The following HNRNPH3 variants were observed in gnomAD, a reference collection of about 807,000 sequenced individuals.
The protein encoded by HNRNPH3 is heterogeneous nuclear ribonucleoprotein 2H9.
In HNRNPH3, 7 loss-of-function variants were observed where a neutral mutation model predicts 47.0. The observed-to-expected ratio is 0.15, with a 90% CI of 0.08 to 0.28. HNRNPH3 has a LOEUF of 0.28. Ranked by LOEUF, HNRNPH3 falls within the 10% of genes least tolerant of loss-of-function variation. The pLI, the probability that HNRNPH3 is intolerant of heterozygous loss-of-function variation, is 1.00. For missense variants in HNRNPH3, 279 were observed against 449.6 expected, an observed-to-expected ratio of 0.62 and a Z score of 3.43; for synonymous variants, 120 against 143.2, an observed-to-expected ratio of 0.84 and a Z score of 1.16.
At chr10:68,335,969 T>C (rs2045525390) in intron 1 of HNRNPH3, among the ~76,000 whole-genome samples, 1 of 152,208 alleles carries the variant, frequency 6.6e-6, no homozygotes, top group Non-Finnish European at 1.5e-5. Context: ...TGATTGACAC[T>C]AGAGGTACTT....
At chr10:68,340,151 C>G (rs956278518) in intron 6 of HNRNPH3, among the ~76,000 whole-genome samples, 18 of 152,156 alleles carry the variant, frequency 1.2e-4, no homozygotes, top group African/African-American at 4.1e-4. Context: ...TCTTCTGCCT[C>G]AGCCTCCTGA....
In HNRNPH3 at chr10:68,337,235, T is replaced by C; in HGVS notation, c.14T>C (p.Met5Thr). 3.1e-6 allele frequency: 5 copies of C among 1,606,892 alleles called. No homozygotes were observed. Among genetic ancestry groups the C allele is most frequent in the Non-Finnish European group, 3.4e-6 (4 of 1,173,544 alleles). The change falls in exon 2 of 10, where the codon ATG becomes ACG. Residue 5 changes from methionine to threonine, a missense_variant. Physicochemically the swap from Met to Thr is moderately conservative, Grantham distance 81. This residue lies in a region of HNRNPH3 where 40 missense variants were observed against 113.8 expected (regional missense o/e 0.35). Transcript: ENST00000265866. The surrounding 1 kb of genome is among the most constrained non-coding windows in gnomAD (Gnocchi z 4.5). Reference sequence around the variant, plus strand: ...AACGGTATTGAGATGGATTGGGTTATGAAACATAATGGTCCAAATGACGCT... The same window carrying C: ...AACGGTATTGAGATGGATTGGGTTACGAAACATAATGGTCCAAATGACGCT... MDWV[M>T]KHNGPNDASD...
chr10:68,341,985 T>G lies in HNRNPH3; in HGVS notation c.972T>G (p.Gly324=). ...TPDGLGGYGR[G]GGGSGGYYGQ... ...TAATATCTTTTTCTTAAGGCCGTGG[T>G]GGTGGAGGCAGTGGAGGTTACTATG... Residue 324 remains glycine (G), a synonymous_variant, in exon 10 of 10, where the codon GGT becomes GGG. Transcript: ENST00000265866. 4 of 1,613,944 alleles carry G rather than the reference T, an allele frequency of 2.5e-6. No individual in the cohort carries two copies. Among genetic ancestry groups the G allele is most frequent in the Non-Finnish European group, 3.4e-6 (4 of 1,179,910 alleles).
intron 6 of HNRNPH3, among the ~76,000 whole-genome samples, chr10:68,340,103 C>T (rs1478441641): frequency 5.3e-5 from 8 of 152,090 alleles, no homozygotes; most frequent in African/African-American, 1.7e-4. Context: ...GGCGCGATCT[C>T]GGCTCACTGC....
rs914984307 is a variant in HNRNPH3, at chr10:68,342,819, A to C, written c.*765A>C. ...AAGGTTCTCAGTGACACAAGAATTC[A>C]GTATTAAGTACATAGGTATTTACTA... On this transcript the variant is annotated 3_prime_UTR_variant, in exon 10 of 10. Transcript: ENST00000265866. 2 of 152,612 alleles carry C rather than the reference A, an allele frequency of 1.3e-5. No individual in the cohort carries two copies. Among genetic ancestry groups the C allele is most frequent in the Non-Finnish European group, 2.9e-5 (2 of 68,038 alleles). 9.5% of individuals were successfully genotyped at this position (152,612 alleles called of 1,614,324 possible). A position where few individuals can be genotyped will look rare whatever the true frequency, so the allele number is the denominator to read the frequency against.
intron 1 of HNRNPH3, among the ~76,000 whole-genome samples, chr10:68,335,866 A>T: frequency 6.6e-6 from 1 of 152,140 alleles, no homozygotes; most frequent in East Asian, 1.9e-4. Context: ...CATAATATTT[A>T]TTTGTGTGCA....
chr10:68,337,121 TGA>T lies in HNRNPH3; in HGVS notation c.-23-74_-23-73del. 1.5e-6 allele frequency: 1 copy of T among 659,640 alleles called. No homozygotes were observed. Among genetic ancestry groups the T allele is most frequent in the Non-Finnish European group, 2.7e-6 (1 of 375,998 alleles). The allele number at this position is 659,640 out of a possible 1,614,324, so 40.9% of individuals were successfully genotyped here. On this transcript the variant is annotated intron_variant, in intron 1 of 9. Coordinates refer to ENST00000265866, the MANE Select transcript of HNRNPH3 (RefSeq NM_012207.3). This position sits in a 1 kb window ranked among gnomAD's most constrained non-coding sequence, Gnocchi z 4.5. ...GTTACATTTCCTCTTGTGGCACCTC[TGA>T]GAGGTGTTTCTTCATTACCTCTTGA...
At chr10:68,340,564 G>A (rs2045847001) in intron 6 of HNRNPH3, among the ~76,000 whole-genome samples, 1 of 152,092 alleles carries the variant, frequency 6.6e-6, no homozygotes, top group South Asian at 2.1e-4. Flanking sequence ...GAGACCCAAT[G>A]GCCATTCAGG....
chr10:68,332,261 G>A (rs1268537892), intron 1 of HNRNPH3, 45 bp downstream of exon 1: 7 of 152,304 alleles, frequency 4.6e-5, no homozygotes, highest in Non-Finnish European at 8.8e-5. Context: ...GGTTTCGAGA[G>A]CGGAGTCGGG....
rs774076304 is a variant in HNRNPH3 at position 68,339,227 on chromosome 10, GTAAAA to G, written c.523+6_523+10del. 6.3e-7 allele frequency: 1 copy of G among 1,585,396 alleles called. No individual in the cohort carries two copies. Among genetic ancestry groups the G allele is most frequent in the Non-Finnish European group, 8.7e-7 (1 of 1,155,084 alleles). On this transcript the variant is annotated splice_donor_variant and splice_donor_5th_base_variant and intron_variant, in intron 5 of 9. Coordinates refer to ENST00000265866, the MANE Select transcript of HNRNPH3 (RefSeq NM_012207.3). ...GATGACAGAATGAGAGATGGAAGAG[GTAAAA>G]TAAATATTAAAGACATTTTTATTCA...
intron 6 of HNRNPH3, 122 bp from the exon 7 acceptor site, chr10:68,341,052 A>G: frequency 1.6e-6 from 1 of 638,938 alleles, no homozygotes; most frequent in Non-Finnish European, 2.6e-6. Context: ...TAGTTGACTA[A>G]GTTATTAGTC....
At chr10:68,338,710 G>T in intron 4 of HNRNPH3, 23 bp downstream of exon 4, 1 of 1,513,456 alleles carries the variant, frequency 6.6e-7, no homozygotes, top group East Asian at 2.3e-5. Context: ...AATGAACAAA[G>T]GTTCTGTTGT....
At chr10:68,332,024 C>T (rs1479027307), upstream of HNRNPH3, 1 of 152,564 alleles carries the variant, frequency 6.6e-6, no homozygotes, top group Non-Finnish European at 1.5e-5. Context: ...TCTCGCTCCG[C>T]CCCCCACTTC....
At position 68,338,638 on chromosome 10, in the gene HNRNPH3, T is replaced by C. The variant is rs1309340037; in HGVS notation, c.387T>C (p.Arg129=). ...GGRGGYYGAG[R]GSMYDRMRRG... is the part of the protein sequence containing the mutation. ...GAGGGGGTTATTATGGAGCTGGGCGTGGAAGTATGTATGACAGAATGCGAC... is the reference window on the plus strand; with the variant it reads ...GAGGGGGTTATTATGGAGCTGGGCGCGGAAGTATGTATGACAGAATGCGAC... The change falls in exon 4 of 10, where the codon CGT becomes CGC. Residue 129 remains arginine (R), a synonymous_variant. Transcript: ENST00000265866. 2.5e-6 allele frequency: 4 copies of C among 1,611,486 alleles called. No individual in the cohort carries two copies. Among genetic ancestry groups the C allele is most frequent in the Non-Finnish European group, 3.4e-6 (4 of 1,178,902 alleles).
In HNRNPH3 at chr10:68,338,617, G is replaced by A; in HGVS notation, c.366G>A (p.Gly122=). Residue 122 remains glycine, a synonymous_variant, in exon 4 of 10, where the codon GGG becomes GGA. Coordinates refer to ENST00000265866, the MANE Select transcript of HNRNPH3 (RefSeq NM_012207.3). ...GPYDRPIGGR[G]GYYGAGRGSM... ...ATGATAGACCAATAGGAGGAAGAGG[G>A]GGTTATTATGGAGCTGGGCGTGGAA... The A allele has an allele frequency of 6.2e-7, 1 of 1,612,928 alleles. No individual in the cohort carries two copies. The highest frequency in any genetic ancestry group is 8.5e-7 in the Non-Finnish European group (1 of 1,179,392).
At chr10:68,338,246 C>A in intron 3 of HNRNPH3, 1 of 449,968 alleles carries the variant, frequency 2.2e-6, no homozygotes, top group South Asian at 4.8e-5. Context: ...CACCTATTTC[C>A]TTTAAAACAC....
chr10:68,333,203 A>G (rs2045307816), intron 1 of HNRNPH3, among the ~76,000 whole-genome samples: 1 of 148,542 alleles, frequency 6.7e-6, no homozygotes, highest in Non-Finnish European at 1.5e-5. Context: ...TGATTTATCA[A>G]ATAGGAATGT....
chr10:68,339,990 A>T (rs567255429), intron 6 of HNRNPH3, among the ~76,000 whole-genome samples: 221 of 152,164 alleles, frequency 1.5e-3, no homozygotes, highest in African/African-American at 5.0e-3. Flanking sequence ...TAGAATGGTG[A>T]TGACTATACC....
rs185365338 is a variant in HNRNPH3 at position 68,339,563 on chromosome 10, A to C, written c.639+8A>C. On this transcript the variant is annotated splice_region_variant and intron_variant, in intron 6 of 9. Transcript: ENST00000265866. Reference sequence around the variant, plus strand: ...GAAAATGACATTGCTAATGTGAGTAATTTTTAATAACTATTAGTGGTTTTA... The same window carrying C: ...GAAAATGACATTGCTAATGTGAGTACTTTTTAATAACTATTAGTGGTTTTA... 6.9e-4 allele frequency: 1,041 copies of C among 1,518,246 alleles called. 10 individuals are homozygous for C. The Admixed American group carries it at 0.013, about 19-fold the overall frequency. The allele number at this position is 1,518,246 out of a possible 1,614,324, so 94.0% of individuals were successfully genotyped here. A position where few individuals can be genotyped will look rare whatever the true frequency, so the allele number is the denominator to read the frequency against.
Sources: gnomAD v4.1 joint callset for allele counts (sites outside exome capture counted in the v4.1 genomes callset) on GRCh38, gnomAD v4.1.1 for gene constraint, gnomAD v4.1.1 regional missense constraint, Gnocchi (gnomAD v3.1) non-coding constraint, MANE v1.5 for transcripts, NCBI Gene and HGNC (gene_info 2026-07-23, HGNC 2026-07-21) for gene names.